The following LHFPL6 variants were observed in gnomAD, a reference collection of about 807,000 sequenced individuals.
LHFPL6 encodes LHFPL tetraspan subfamily member 6 protein.
LHFPL6 carries 9 observed loss-of-function variants against 20.6 expected under a neutral mutation model. The observed-to-expected ratio is 0.44, with a 90% CI of 0.26 to 0.76. The LOEUF (loss-of-function observed/expected upper bound fraction) is 0.76, where lower values mean the gene tolerates loss of function less well. Among genes scored for constraint, LHFPL6 ranks in the 30% least tolerant of loss-of-function variants. The pLI is 0.20. For synonymous variants in LHFPL6, 105 were observed against 98.7 expected (o/e 1.06, Z -0.38); for missense variants, 218 against 253.5 (o/e 0.86, Z 0.95).
At position 39,594,560 on chromosome 13, in the gene LHFPL6, G is replaced by A. The variant is rs557625118; in HGVS notation, c.385+6272C>T. ...CAACCATTGTGGACGTCGGTGTGGCGATTCCTCAGGGATCTAGAACTAGAA... is the reference window on the plus strand; with the variant it reads ...CAACCATTGTGGACGTCGGTGTGGCAATTCCTCAGGGATCTAGAACTAGAA... On this transcript the variant is annotated intron_variant, in intron 2 of 3. Transcript: ENST00000379589. Among the ~76,000 whole-genome samples, 13 of 152,266 alleles carry A rather than the reference G, an allele frequency of 8.5e-5. No individual in the cohort carries two copies. The East Asian group carries it at 1.2e-3, about 14-fold the overall frequency.
intron 3 of LHFPL6, among the ~76,000 whole-genome samples, chr13:39,347,246 G>A (rs1869429892): frequency 6.6e-6 from 1 of 152,140 alleles, no homozygotes; most frequent in Non-Finnish European, 1.5e-5. Flanking sequence ...GAGCACATCA[G>A]CCTTGTTGCT....
chr13:39,526,293 T>C (rs145589354), intron 2 of LHFPL6, among the ~76,000 whole-genome samples: 30 of 152,284 alleles, frequency 2.0e-4, no homozygotes, highest in South Asian at 1.7e-3. Context: ...ATAGTAGGCA[T>C]TGATAGTAGA....
At chr13:39,443,118 T>C (rs1049069792) in intron 2 of LHFPL6, among the ~76,000 whole-genome samples, 3 of 152,208 alleles carry the variant, frequency 2.0e-5, no homozygotes, top group African/African-American at 7.2e-5. Flanking sequence ...CTCTCATAAA[T>C]GCATTAACAA....
chr13:39,418,738 A>C (rs1871408776), intron 2 of LHFPL6, among the ~76,000 whole-genome samples: 1 of 152,202 alleles, frequency 6.6e-6, no homozygotes, highest in Non-Finnish European at 1.5e-5. Context: ...GAAACCTCAC[A>C]ATATTGTCTT....
chr13:39,365,422 A>T (rs1025210011), intron 3 of LHFPL6, among the ~76,000 whole-genome samples: 1 of 152,148 alleles, frequency 6.6e-6, no homozygotes. Context: ...AGCTGCCCTC[A>T]ATCTAAAAGG....
chr13:39,379,772 C>A (rs1870390352), intron 2 of LHFPL6, among the ~76,000 whole-genome samples: 1 of 152,200 alleles, frequency 6.6e-6, no homozygotes. Flanking sequence ...CACCCCCACA[C>A]CCATCCTGAT....
At chr13:39,419,688 T>C (rs1385414165) in intron 2 of LHFPL6, among the ~76,000 whole-genome samples, 1 of 152,166 alleles carries the variant, frequency 6.6e-6, no homozygotes, top group Non-Finnish European at 1.5e-5. Flanking sequence ...GATGAAGAAA[T>C]TTTTTTAAAA....
At chr13:39,541,828 G>A (rs890999463) in intron 2 of LHFPL6, among the ~76,000 whole-genome samples, 31 of 151,960 alleles carry the variant, frequency 2.0e-4, no homozygotes, top group Admixed American at 1.1e-3. Flanking sequence ...AGTGGCTCAC[G>A]CCTGTAATCC....
At position 39,557,299 on chromosome 13, in the gene LHFPL6, C is replaced by T. The variant is rs778318832; in HGVS notation, c.385+43533G>A. Among the ~76,000 whole-genome samples, 15 of 152,198 alleles carry T rather than the reference C, an allele frequency of 9.9e-5. 1 individual carries two copies. The highest frequency in any genetic ancestry group is 2.2e-4 in the Non-Finnish European group (15 of 68,032). On this transcript the variant is annotated intron_variant, in intron 2 of 3. Transcript: ENST00000379589. Reference sequence around the variant, plus strand: ...GCTCAGGACACCACTTTAGACGGGGCGAGCCATCAGCCTTGGTGGCCGCCA... The same window carrying T: ...GCTCAGGACACCACTTTAGACGGGGTGAGCCATCAGCCTTGGTGGCCGCCA...
intron 3 of LHFPL6, among the ~76,000 whole-genome samples, chr13:39,364,871 A>G (rs1869971106): frequency 1.3e-5 from 2 of 152,160 alleles, no homozygotes; most frequent in African/African-American, 4.8e-5. Context: ...AGCTGCTATC[A>G]ATCCTTGCTT....
chr13:39,501,313 G>A (rs531488334), intron 2 of LHFPL6, among the ~76,000 whole-genome samples: 6 of 152,218 alleles, frequency 3.9e-5, no homozygotes, highest in Non-Finnish European at 7.4e-5. Flanking sequence ...AGCCTCTCAC[G>A]CTATCCTTTC....
chr13:39,374,745 C>T (rs1406587497), intron 3 of LHFPL6, among the ~76,000 whole-genome samples: 2 of 152,186 alleles, frequency 1.3e-5, no homozygotes, highest in Non-Finnish European at 2.9e-5. Context: ...GCACCCAACA[C>T]TTTTCCTTTC....
At chr13:39,478,546 C>A (rs1376213271) in intron 2 of LHFPL6, among the ~76,000 whole-genome samples, 1 of 152,024 alleles carries the variant, frequency 6.6e-6, no homozygotes, top group South Asian at 2.1e-4. Context: ...CCAGGAAGTG[C>A]GCAGATAAAA....
intron 2 of LHFPL6, among the ~76,000 whole-genome samples, chr13:39,546,928 T>G (rs1224588937): frequency 2.0e-5 from 3 of 152,054 alleles, no homozygotes; most frequent in Admixed American, 1.3e-4. Context: ...AAATTCCCAT[T>G]GCTTTGAAGA....
chr13:39,425,725 A>G (rs1250065104), intron 2 of LHFPL6, among the ~76,000 whole-genome samples: 1 of 152,152 alleles, frequency 6.6e-6, no homozygotes, highest in African/African-American at 2.4e-5. Context: ...GGATTATTTT[A>G]TTATGAAGTT....
At chr13:39,593,540 C>A (rs1175983603) in intron 2 of LHFPL6, among the ~76,000 whole-genome samples, 1 of 151,708 alleles carries the variant, frequency 6.6e-6, no homozygotes, top group Non-Finnish European at 1.5e-5. Flanking sequence ...CCATACTGCC[C>A]AAGGTAATTT....
Position 39,480,879 on chromosome 13 carries a change from A to G in LHFPL6, c.386-102353T>C, listed in dbSNP as rs543696799. ...GGTACATACTACATCAGTATTTAAT[A>G]TTGAAAAACTGGAGTTAACTAAATG... On this transcript the variant is annotated intron_variant, in intron 2 of 3. Coordinates refer to ENST00000379589, the MANE Select transcript of LHFPL6 (RefSeq NM_005780.3). 3.3e-5 allele frequency among the ~76,000 whole-genome samples: 5 copies of G among 152,334 alleles called. No homozygotes were observed. The South Asian group carries it at 1.0e-3, about 32-fold the overall frequency.
chr13:39,542,553 T>C (rs1157617795), intron 2 of LHFPL6, among the ~76,000 whole-genome samples: 1 of 152,182 alleles, frequency 6.6e-6, no homozygotes, highest in Non-Finnish European at 1.5e-5. Context: ...CCAGACCATC[T>C]AAGAAGGCTC....
At chr13:39,506,212 T>G (rs1359561396) in intron 2 of LHFPL6, among the ~76,000 whole-genome samples, 2 of 152,214 alleles carry the variant, frequency 1.3e-5, no homozygotes, top group African/African-American at 4.8e-5. Flanking sequence ...GGACGTAATA[T>G]TCTGTGATCA....
Sources: allele counts gnomAD v4.1 joint callset (sites outside exome capture counted in the v4.1 genomes callset), GRCh38; gene constraint gnomAD v4.1.1; transcripts MANE v1.5; gene names NCBI Gene and HGNC (gene_info 2026-07-23, HGNC 2026-07-21).